Variants in PLAC1 observed in about 807,000 individuals in gnomAD.
PLAC1 encodes the protein placenta-specific protein 1.
For synonymous variants in PLAC1, 68 were observed against 62.1 expected (o/e 1.09, Z -0.44); for missense variants, 136 against 163.2 (o/e 0.83, Z 0.91).
intron 1 of PLAC1, among the ~76,000 whole-genome samples, chrX:134,738,836 A>G (rs1009245556): frequency 4.4e-5 from 5 of 112,365 alleles, no homozygotes; most frequent in African/African-American, 1.3e-4. Flanking sequence ...TATTTAGACA[A>G]TGATGCAAAA....
At chrX:134,686,443 C>T (rs929515606) in intron 2 of PLAC1, among the ~76,000 whole-genome samples, 3 of 111,357 alleles carry the variant, frequency 2.7e-5, no homozygotes, top group East Asian at 5.6e-4. Context: ...GTTTCCCTGG[C>T]TAGAAACCCT....
At chrX:134,663,945 A>C (rs989125481) in intron 2 of PLAC1, among the ~76,000 whole-genome samples, 3 of 111,891 alleles carry the variant, frequency 2.7e-5, no homozygotes, top group African/African-American at 9.7e-5. Flanking sequence ...AAAAGAAAAG[A>C]AATGTGTTTC....
chrX:134,708,641 CA>C (rs2078617167), intron 2 of PLAC1, among the ~76,000 whole-genome samples: 1 of 105,652 alleles, frequency 9.5e-6, no homozygotes, highest in Non-Finnish European at 1.9e-5. Context: ...CAGGTTCAAG[CA>C]ATTCTCCTGC....
intron 1 of PLAC1, among the ~76,000 whole-genome samples, chrX:134,618,411 C>T (rs186917240): frequency 1.8e-5 from 2 of 109,826 alleles, no homozygotes; most frequent in Non-Finnish European, 3.8e-5. Flanking sequence ...TACATCATCT[C>T]ACTTTTTTTT....
intron 1 of PLAC1, among the ~76,000 whole-genome samples, chrX:134,618,156 A>G (rs1220215734): frequency 8.9e-6 from 1 of 112,020 alleles, no homozygotes; most frequent in Non-Finnish European, 1.9e-5. Context: ...AGTTTCTAGC[A>G]GAGTACAAGT....
At position 134,616,331 on chromosome X, in the gene PLAC1, TC is replaced by T. The variant is rs750560703; in HGVS notation, c.-130-14210del. Among the ~76,000 whole-genome samples the T allele has an allele frequency of 3.9e-3, 436 of 111,723 alleles. 1 individual carries two copies. Among genetic ancestry groups the T allele is most frequent in the African/African-American group, 0.014 (422 of 30,784 alleles). ...AAGTGCCCCCAACTTTCTCTCTTTTTCCCTCTCAAGATTGCTTCACCTTAGC... is the reference window on the plus strand; with the variant it reads ...AAGTGCCCCCAACTTTCTCTCTTTTTCCTCTCAAGATTGCTTCACCTTAGC... On this transcript the variant is annotated intron_variant, in intron 1 of 2. Transcript: ENST00000359237.
rs1232261107 is a variant in PLAC1, at chrX:134,603,269, TTATATATATATATATATATA to T, written c.-130-1167_-130-1148del. Reference sequence around the variant, plus strand: ...TTTTTTATTATCAGCTCTCTGTATTTTATATATATATATATATATATATATATATATATATATATATATAT... The same window carrying T: ...TTTTTTATTATCAGCTCTCTGTATTTTATATATATATATATATATATATAT... On this transcript the variant is annotated intron_variant, in intron 1 of 2. Transcript: ENST00000359237. Among the ~76,000 whole-genome samples, 43 of 6,915 alleles carry T rather than the reference TTATATATATATATATATATA, an allele frequency of 6.2e-3. 1 individual carries two copies. Among genetic ancestry groups the T allele is most frequent in the Admixed American group, 0.015 (5 of 325 alleles). The allele number at this position is 6,915 out of a possible 115,157, so 6.0% of individuals were successfully genotyped here.
At chrX:134,608,658 C>G (rs776378587) in intron 1 of PLAC1, among the ~76,000 whole-genome samples, 1 of 95,388 alleles carries the variant, frequency 1.0e-5, no homozygotes, top group Non-Finnish European at 2.1e-5. Flanking sequence ...TATCACTCTT[C>G]TTTTTCTTTT....
chrX:134,654,975 G>C (rs1454697361), intron 1 of PLAC1, among the ~76,000 whole-genome samples: 1 of 111,669 alleles, frequency 9.0e-6, no homozygotes, highest in African/African-American at 3.3e-5. Flanking sequence ...TCTACTTGTA[G>C]CTAACAAAAA....
intron 2 of PLAC1, among the ~76,000 whole-genome samples, chrX:134,713,993 A>T (rs1227705323): frequency 8.9e-6 from 1 of 112,003 alleles, no homozygotes; most frequent in Non-Finnish European, 1.9e-5. Flanking sequence ...GCCTGGAAGG[A>T]GTGGGATTGG....
chrX:134,576,295 T>C (rs1042118807), intron 2 of PLAC1, among the ~76,000 whole-genome samples: 1 of 109,845 alleles, frequency 9.1e-6, no homozygotes, highest in Non-Finnish European at 1.9e-5. Flanking sequence ...TCCCAGCATT[T>C]TGGGAAGCTG....
At chrX:134,668,816 A>G (rs1289881675) in intron 2 of PLAC1, among the ~76,000 whole-genome samples, 1 of 112,489 alleles carries the variant, frequency 8.9e-6, no homozygotes, top group Non-Finnish European at 1.9e-5. Context: ...AAGTGTGAAC[A>G]CTCCACACAA....
At chrX:134,617,811 A>G (rs1289726919) in intron 1 of PLAC1, among the ~76,000 whole-genome samples, 2 of 112,278 alleles carry the variant, frequency 1.8e-5, no homozygotes, top group Non-Finnish European at 3.8e-5. Flanking sequence ...TCAATATTCA[A>G]AAACGAATAC....
intron 1 of PLAC1, among the ~76,000 whole-genome samples, chrX:134,741,569 T>C (rs2078717033): frequency 9.0e-6 from 1 of 110,593 alleles, no homozygotes; most frequent in Non-Finnish European, 1.9e-5. Flanking sequence ...GACCCCTTTG[T>C]GGTAAACAAC....
intron 2 of PLAC1, among the ~76,000 whole-genome samples, chrX:134,721,636 G>T (rs1254532921): frequency 9.1e-6 from 1 of 110,037 alleles, no homozygotes; most frequent in African/African-American, 3.3e-5. Flanking sequence ...AGGCCAAGGC[G>T]GGTGGATCAC....
chrX:134,748,227 G>A (rs2078733418), intron 1 of PLAC1, among the ~76,000 whole-genome samples: 1 of 109,473 alleles, frequency 9.1e-6, no homozygotes, highest in South Asian at 4.0e-4. Flanking sequence ...CTACTCAGGA[G>A]GCTGAGACAG....
At chrX:134,743,901 TG>T (rs1449591535) in intron 1 of PLAC1, among the ~76,000 whole-genome samples, 1 of 112,500 alleles carries the variant, frequency 8.9e-6, no homozygotes. Flanking sequence ...ACGTGAATAC[TG>T]AATAAGGACA....
intron 2 of PLAC1, among the ~76,000 whole-genome samples, chrX:134,728,754 G>A (rs767128893): frequency 9.0e-6 from 1 of 111,054 alleles, no homozygotes; most frequent in South Asian, 3.8e-4. Context: ...AGATTTTAAG[G>A]TATTTTGTAA....
At chrX:134,589,082 T>C (rs1030527406) in intron 2 of PLAC1, among the ~76,000 whole-genome samples, 1 of 111,485 alleles carries the variant, frequency 9.0e-6, no homozygotes, top group Admixed American at 9.5e-5. Context: ...ACTGGTGGAA[T>C]CTCTATTTCC....
Sources: gnomAD v4.1 joint callset for allele counts (sites outside exome capture counted in the v4.1 genomes callset) on GRCh38, gnomAD v4.1.1 for gene constraint, MANE v1.5 for transcripts, NCBI Gene and HGNC (gene_info 2026-07-23, HGNC 2026-07-21) for gene names.